Variants in SDHAF4 observed in about 807,000 individuals in gnomAD.
The protein encoded by SDHAF4 is succinate dehydrogenase assembly factor 4, mitochondrial.
In SDHAF4, 14 loss-of-function variants were observed where a neutral mutation model predicts 14.3. The observed-to-expected ratio is 0.98, with a 90% CI of 0.65 to 1.53. The LOEUF is 1.53. Among genes scored for constraint, SDHAF4 ranks in the 40% most tolerant of loss-of-function variants. The pLI is 0.00. For missense variants in SDHAF4, 141 were observed against 129.3 expected (o/e 1.09, Z -0.44); for synonymous variants, 63 against 47.3 (o/e 1.33, Z -1.36).
Position 70,575,726 on chromosome 6 carries a change from T to TGTGTGA in SDHAF4, c.65-3687_65-3686insTGTGAG, listed in dbSNP as rs141835202. Among the ~76,000 whole-genome samples the TGTGTGA allele has an allele frequency of 1.4e-3, 218 of 151,124 alleles. 2 individuals carry two copies. The highest frequency in any genetic ancestry group is 9.7e-3 in the East Asian group (50 of 5,158). The stretch of plus-strand genomic sequence containing the variant: ...TTTTGTATATGTGTGTGTGTGTGTG[T>TGTGTGA]GAGAGAGAGAGAGTCATTCTTTTGC... On this transcript the variant is annotated intron_variant, in intron 1 of 2. Coordinates refer to ENST00000370474, the MANE Select transcript of SDHAF4 (RefSeq NM_145267.3).
the SDHAF4 span, among the ~76,000 whole-genome samples, chr6:70,597,585 G>T: frequency 3.9e-5 from 6 of 152,062 alleles, no homozygotes; most frequent in East Asian, 1.9e-4. Context: ...AGGATGGCAG[G>T]TGACTATACT....
chr6:70,594,318 G>A (rs9455185), downstream of SDHAF4, among the ~76,000 whole-genome samples: 62,063 of 152,010 alleles, frequency 0.41, 13,340 homozygotes, highest in African/African-American at 0.52. Context: ...TCCAAAACTC[G>A]TGTTAAACTT....
At chr6:70,597,532 C>T in the SDHAF4 span, among the ~76,000 whole-genome samples, 493 of 152,046 alleles carry the variant, frequency 3.2e-3, 3 homozygotes, top group African/African-American at 0.011. Context: ...TTGATGTGTG[C>T]ATGCAAACAG....
chr6:70,588,953 A>G lies in SDHAF4; in HGVS notation c.*229A>G. 1 of 190,608 alleles carries G rather than the reference A, an allele frequency of 5.2e-6. No homozygotes were observed. The highest frequency in any genetic ancestry group is 1.0e-4 in the East Asian group (1 of 9,760). 11.8% of individuals were successfully genotyped at this position (190,608 alleles called of 1,614,324 possible). On this transcript the variant is annotated 3_prime_UTR_variant, in exon 3 of 3. Transcript: ENST00000370474. ...TCGCCTTTACTAAAAATACAAAATT[A>G]GCCAGGCGTGGTGGCATGCACCTGT...
the SDHAF4 span, among the ~76,000 whole-genome samples, chr6:70,595,954 T>A: frequency 6.6e-6 from 1 of 152,182 alleles, no homozygotes; most frequent in Non-Finnish European, 1.5e-5. Context: ...AGACAACTTA[T>A]ATACTTCAAA....
the SDHAF4 span, among the ~76,000 whole-genome samples, chr6:70,595,344 T>C: frequency 6.6e-6 from 1 of 152,218 alleles, no homozygotes; most frequent in African/African-American, 2.4e-5. Context: ...TTGAGAAGAT[T>C]GTACGGAGAC....
rs181832791 is a variant in SDHAF4, at chr6:70,569,325, A to G, written c.64+2321A>G. Reference sequence around the variant, plus strand: ...CTCTTGTTGCCCAGGCTGGAGTGCAATGGCGAGATCTCAGCTCACTGCAAC... The same window carrying G: ...CTCTTGTTGCCCAGGCTGGAGTGCAGTGGCGAGATCTCAGCTCACTGCAAC... On this transcript the variant is annotated intron_variant, in intron 1 of 2. Coordinates refer to ENST00000370474, the MANE Select transcript of SDHAF4 (RefSeq NM_145267.3). 1.7e-4 allele frequency among the ~76,000 whole-genome samples: 25 copies of G among 148,126 alleles called. No homozygotes were observed. The East Asian group carries it at 3.7e-3, about 22-fold the overall frequency.
intron 1 of SDHAF4, among the ~76,000 whole-genome samples, chr6:70,569,307 TGCCCA>T (rs1375461117): frequency 6.8e-6 from 1 of 147,882 alleles, no homozygotes; most frequent in African/African-American, 2.5e-5. Flanking sequence ...TCACTCTTGT[TGCCCA>T]GGCTGGAGTG....
At chr6:70,595,480 T>C in the SDHAF4 span, among the ~76,000 whole-genome samples, 1 of 152,258 alleles carries the variant, frequency 6.6e-6, no homozygotes, top group Non-Finnish European at 1.5e-5. Flanking sequence ...TTGCAATTAC[T>C]ATGTGTGCTA....
intron 2 of SDHAF4, among the ~76,000 whole-genome samples, chr6:70,587,168 TCACACACA>T (rs56012930): frequency 2.2e-5 from 3 of 135,446 alleles, no homozygotes; most frequent in African/African-American, 5.7e-5. Flanking sequence ...TGAAACTCCA[TCACACACA>T]CACACACACA....
At chr6:70,595,762 G>A in the SDHAF4 span, among the ~76,000 whole-genome samples, 1 of 151,376 alleles carries the variant, frequency 6.6e-6, no homozygotes, top group Admixed American at 6.6e-5. Flanking sequence ...CTTGAACCCG[G>A]GAGGCGGAGG....
chr6:70,571,087 G>T (rs1295742823), intron 1 of SDHAF4, among the ~76,000 whole-genome samples: 1 of 151,680 alleles, frequency 6.6e-6, no homozygotes, highest in Admixed American at 6.6e-5. Flanking sequence ...GTAGAGTTTT[G>T]GGATTTTGTT....
intron 2 of SDHAF4, among the ~76,000 whole-genome samples, chr6:70,585,740 T>TG (rs1363816384): frequency 6.6e-6 from 1 of 152,168 alleles, no homozygotes; most frequent in Non-Finnish European, 1.5e-5. Flanking sequence ...CTGATGAGTA[T>TG]GGGGGAGAGT....
intron 1 of SDHAF4, among the ~76,000 whole-genome samples, chr6:70,568,962 CTTTTTT>C (rs5877254): frequency 3.5e-3 from 339 of 97,986 alleles, no homozygotes; most frequent in Admixed American, 4.7e-3. Context: ...TTTCTTTTTT[CTTTTTT>C]TTTTTTTTTT....
chr6:70,581,603 GTTGTT>G (rs373620998), intron 2 of SDHAF4, among the ~76,000 whole-genome samples: 81 of 152,156 alleles, frequency 5.3e-4, no homozygotes, highest in African/African-American at 1.8e-3. Flanking sequence ...GTGTGTGTGT[GTTGTT>G]TTGTTTTGTT....
downstream of SDHAF4, among the ~76,000 whole-genome samples, chr6:70,591,993 T>C (rs1017800387): frequency 2.0e-5 from 3 of 152,178 alleles, no homozygotes; most frequent in Non-Finnish European, 2.9e-5. Flanking sequence ...AGACTTAAGC[T>C]GGCATGTTAG....
intron 1 of SDHAF4, among the ~76,000 whole-genome samples, chr6:70,579,192 A>G (rs956024820): frequency 6.6e-6 from 1 of 152,224 alleles, no homozygotes; most frequent in Non-Finnish European, 1.5e-5. Flanking sequence ...ATTGATAACA[A>G]TTAACTAATT....
At position 70,588,627 on chromosome 6, in the gene SDHAF4, A is replaced by G; in HGVS notation, c.230A>G (p.Asp77Gly). 6 of 1,588,504 alleles carry G rather than the reference A, an allele frequency of 3.8e-6. No individual in the cohort carries two copies. The highest frequency in any genetic ancestry group is 5.2e-6 in the Non-Finnish European group (6 of 1,162,130). ...EKEPLEKFPD[D>G]VNPVTKEKGG... The stretch of plus-strand genomic sequence containing the variant: ...TCGTTTTCCTTAGAATTTCCAGATG[A>G]TGTTAATCCAGTGACCAAAGAAAAA... The change falls in exon 3 of 3, where the codon GAT becomes GGT. Residue 77 changes from aspartate (D) to glycine (G), a missense_variant. Asp to Gly is a moderately conservative substitution (Grantham distance 94, BLOSUM62 -1). Transcript: ENST00000370474.
At chr6:70,577,160 A>G (rs979112708) in intron 1 of SDHAF4, among the ~76,000 whole-genome samples, 1 of 152,160 alleles carries the variant, frequency 6.6e-6, no homozygotes, top group Admixed American at 6.5e-5. Flanking sequence ...CCTTGTGGTT[A>G]CATTGACCCA....
Sources: allele counts gnomAD v4.1 joint callset (sites outside exome capture counted in the v4.1 genomes callset), GRCh38; gene constraint gnomAD v4.1.1; transcripts MANE v1.5; gene names NCBI Gene and HGNC (gene_info 2026-07-23, HGNC 2026-07-21).